WDR70: variants seen among roughly 807,000 people sequenced by gnomAD.
The protein encoded by WDR70 is WD repeat domain 70.
In WDR70, 53 loss-of-function variants were observed where a neutral mutation model predicts 88.6. The ratio of observed to expected loss-of-function variants is 0.60; its 90% CI spans 0.48 to 0.75. The LOEUF (loss-of-function observed/expected upper bound fraction) is 0.75, where lower values mean the gene tolerates loss of function less well. WDR70 is among the 30% of genes least tolerant of loss of function. The probability of loss-of-function intolerance (pLI) is 0.00; values close to 1 mark genes in which losing one functional copy is unlikely to be tolerated. For synonymous variants in WDR70, 280 were observed against 270.0 expected (o/e 1.04, Z -0.36); for missense variants, 610 against 823.2 (o/e 0.74, Z 3.17).
chr5:37,613,365 T>A (rs551130728), intron 10 of WDR70, among the ~76,000 whole-genome samples: 1 of 152,186 alleles, frequency 6.6e-6, no homozygotes, highest in Non-Finnish European at 1.5e-5. Context: ...GAGGAGATGA[T>A]AGCAGAAAAG....
chr5:37,700,370 G>T (rs192685635), intron 11 of WDR70: 2 of 152,264 alleles, frequency 1.3e-5, no homozygotes, highest in Non-Finnish European at 2.9e-5. Flanking sequence ...TGTCATGCTT[G>T]TGCAGGGGCT....
chr5:37,629,170 A>T (rs1157994106), intron 10 of WDR70, among the ~76,000 whole-genome samples: 1 of 152,024 alleles, frequency 6.6e-6, no homozygotes, highest in Non-Finnish European at 1.5e-5. Context: ...AGATTCCCTT[A>T]TTTATGACTT....
At chr5:37,620,652 A>C (rs1416980565) in intron 10 of WDR70, among the ~76,000 whole-genome samples, 1 of 152,200 alleles carries the variant, frequency 6.6e-6, no homozygotes, top group Non-Finnish European at 1.5e-5. Flanking sequence ...CCGTGTTTAA[A>C]GTACTGATCA....
intron 10 of WDR70, among the ~76,000 whole-genome samples, chr5:37,689,798 T>A (rs1300721159): frequency 6.6e-6 from 1 of 152,154 alleles, no homozygotes; most frequent in Admixed American, 6.5e-5. Context: ...CCAGAGTGCC[T>A]CTTCTCCTCC....
rs907073156 is a variant in WDR70, at chr5:37,443,440, T to C, written c.686+68T>C. ...TCTTCACATTGGAAGACAGTGCTGT[T>C]GGCTTTGGAATCCCATCTACAATGA... On this transcript the variant is annotated intron_variant, in intron 7 of 17. Transcript: ENST00000265107. 9 of 1,569,714 alleles carry C rather than the reference T, an allele frequency of 5.7e-6. No individual in the cohort carries two copies. In the South Asian group the frequency reaches 7.0e-5, roughly 12 times the overall value.
chr5:37,414,725 A>G (rs370222631), intron 5 of WDR70, among the ~76,000 whole-genome samples: 10 of 151,602 alleles, frequency 6.6e-5, no homozygotes, highest in African/African-American at 1.7e-4. Context: ...GGGCATGGCT[A>G]CTTTCTTCCT....
Position 37,558,340 on chromosome 5 carries a change from C to T in WDR70, c.917+41750C>T, listed in dbSNP as rs114611089. On this transcript the variant is annotated intron_variant, in intron 9 of 17. Transcript: ENST00000265107. ...TTTAGCTTTGATTTTTTTTTTGAGA[C>T]AGAATTTTGCTCTGGTTGCCCAGTC... 3.3e-3 allele frequency among the ~76,000 whole-genome samples: 493 copies of T among 151,548 alleles called. 9 individuals are homozygous for T. Among genetic ancestry groups the T allele is most frequent in the African/African-American group, 0.012 (477 of 41,336 alleles).
intron 10 of WDR70, among the ~76,000 whole-genome samples, chr5:37,645,144 T>G (rs911307714): frequency 2.6e-5 from 4 of 151,624 alleles, no homozygotes; most frequent in African/African-American, 9.7e-5. Context: ...CTGCTGTTGC[T>G]GTATCCCATA....
intron 16 of WDR70, among the ~76,000 whole-genome samples, chr5:37,726,132 T>A (rs975185141): frequency 1.3e-5 from 2 of 152,202 alleles, no homozygotes; most frequent in African/African-American, 4.8e-5. Context: ...AAAGACCTGT[T>A]CAACCACCTG....
chr5:37,657,357 C>T (rs1166560784), intron 10 of WDR70, among the ~76,000 whole-genome samples: 1 of 152,164 alleles, frequency 6.6e-6, no homozygotes. Flanking sequence ...AAGCCAGGTA[C>T]CCCAGTTGGA....
intron 9 of WDR70, among the ~76,000 whole-genome samples, chr5:37,552,951 G>C (rs553648478): frequency 6.6e-6 from 1 of 152,322 alleles, no homozygotes; most frequent in Non-Finnish European, 1.5e-5. Flanking sequence ...AGATTCTATA[G>C]TCCAAGAGCA....
At chr5:37,586,132 G>A (rs1047638210) in intron 9 of WDR70, among the ~76,000 whole-genome samples, 2 of 152,060 alleles carry the variant, frequency 1.3e-5, no homozygotes, top group African/African-American at 4.8e-5. Context: ...TCCCCATTCT[G>A]GCATCCTCAA....
At chr5:37,702,665 C>T (rs889141275) in intron 12 of WDR70, among the ~76,000 whole-genome samples, 2 of 152,126 alleles carry the variant, frequency 1.3e-5, no homozygotes, top group Non-Finnish European at 2.9e-5. Context: ...AGCACAGATT[C>T]TGGAGTCTGA....
At chr5:37,521,410 T>C (rs1038093317) in intron 9 of WDR70, among the ~76,000 whole-genome samples, 16 of 152,206 alleles carry the variant, frequency 1.1e-4, no homozygotes, top group African/African-American at 3.6e-4. Context: ...TCTGCAGTGA[T>C]GATTTCTAAG....
intron 9 of WDR70, among the ~76,000 whole-genome samples, chr5:37,553,330 T>C (rs968264052): frequency 5.9e-5 from 9 of 152,184 alleles, no homozygotes; most frequent in African/African-American, 2.2e-4. Context: ...TTATACCACA[T>C]TCCTTCTCTG....
chr5:37,391,513 G>T (rs1748819426), intron 3 of WDR70, among the ~76,000 whole-genome samples: 1 of 152,066 alleles, frequency 6.6e-6, no homozygotes, highest in Admixed American at 6.6e-5. Flanking sequence ...TACAATATTC[G>T]TCTTTTTGTT....
At chr5:37,500,930 G>C (rs1238952672) in intron 8 of WDR70, among the ~76,000 whole-genome samples, 2 of 151,940 alleles carry the variant, frequency 1.3e-5, no homozygotes, top group African/African-American at 4.8e-5. Flanking sequence ...GTAGAGACAA[G>C]GTTTAACTAT....
intron 10 of WDR70, among the ~76,000 whole-genome samples, chr5:37,658,236 T>C (rs918870222): frequency 5.3e-5 from 8 of 151,778 alleles, no homozygotes; most frequent in African/African-American, 1.9e-4. Flanking sequence ...GGGCAAAGTC[T>C]GCATATAAGT....
chr5:37,405,843 C>T (rs967314057), intron 5 of WDR70, among the ~76,000 whole-genome samples: 7 of 151,986 alleles, frequency 4.6e-5, no homozygotes, highest in Non-Finnish European at 8.8e-5. Flanking sequence ...CCCGGGAGTT[C>T]GAGACCATCC....
Sources: gnomAD v4.1 joint callset for allele counts (sites outside exome capture counted in the v4.1 genomes callset) on GRCh38, gnomAD v4.1.1 for gene constraint, MANE v1.5 for transcripts, NCBI Gene and HGNC (gene_info 2026-07-23, HGNC 2026-07-21) for gene names.